Variants in ELOVL1 observed in about 807,000 individuals in gnomAD.
ELOVL1 encodes very long chain fatty acid elongase 1.
A neutral mutation model predicts 37.8 loss-of-function variants in ELOVL1; 10 were observed. The ratio of observed to expected loss-of-function variants is 0.26; its 90% CI spans 0.16 to 0.45. ELOVL1 has a LOEUF of 0.45. Ranked by LOEUF, ELOVL1 falls within the 20% of genes least tolerant of loss-of-function variation. The pLI is 1.00. For synonymous variants in ELOVL1, 133 were observed against 123.8 expected, an observed-to-expected ratio of 1.07 and a Z score of -0.49; for missense variants, 256 against 352.7, an observed-to-expected ratio of 0.73 and a Z score of 2.20.
rs1360980286 is a variant in ELOVL1, at chr1:43,364,404, G to A, written c.538C>T (p.Leu180=). ...CCAAAGGCAGATAATCCGTAGTACA[G>A]GTACATTATGACATGCACGGAAGAG... ...INSSVHVIMY[L]YYGLSAFGPV... Residue 180 remains leucine (L), a synonymous_variant, in exon 7 of 8, where the codon CTG becomes TTG. Transcript: ENST00000372458. The surrounding 1 kb of genome is among the most constrained non-coding windows in gnomAD (Gnocchi z 5.2). 1 of 1,614,178 alleles carries A rather than the reference G, an allele frequency of 6.2e-7. No individual in the cohort carries two copies. Among genetic ancestry groups the A allele is most frequent in the Admixed American group, 1.7e-5 (1 of 60,024 alleles).
rs376128835 is a variant in ELOVL1, at chr1:43,365,419, C to G, written c.47-43G>C. ...AGGAATCAGGAAGAGTCACAGGGTT[C>G]GAAGGGTCTTCATTTGAAGGGTCTA... On this transcript the variant is annotated intron_variant, in intron 2 of 7. Coordinates refer to ENST00000372458, the MANE Select transcript of ELOVL1 (RefSeq NM_022821.4). 8 of 1,608,968 alleles carry G rather than the reference C, an allele frequency of 5.0e-6. No individual in the cohort carries two copies. The South Asian group carries it at 6.6e-5, about 13-fold the overall frequency.
In ELOVL1 at chr1:43,364,828, A is replaced by G. The variant is rs374331483; in HGVS notation, c.319-34T>C. ...AGTTGGGATAGCCTTAGGACCTCAT[A>G]CACTATTCTAAGAGCCTCCCTAAAC... On this transcript the variant is annotated intron_variant, in intron 4 of 7. Coordinates refer to ENST00000372458, the MANE Select transcript of ELOVL1 (RefSeq NM_022821.4). The surrounding 1 kb of genome is among the most constrained non-coding windows in gnomAD (Gnocchi z 5.2). 32 of 1,614,156 alleles carry G rather than the reference A, an allele frequency of 2.0e-5. No individual in the cohort carries two copies. In the African/African-American group the frequency reaches 3.9e-4, roughly 19 times the overall value.
At position 43,365,577 on chromosome 1, in the gene ELOVL1, C is replaced by G; in HGVS notation, c.33G>C (p.Val11=). 2 of 1,614,114 alleles carry G rather than the reference C, an allele frequency of 1.2e-6. No homozygotes were observed. Among genetic ancestry groups the G allele is most frequent in the Non-Finnish European group, 1.7e-6 (2 of 1,180,004 alleles). The change falls in exon 2 of 8, where the codon GTG becomes GTC. Residue 11 remains valine, a synonymous_variant. Transcript: ENST00000372458. MEAVVNLYQE[V]MKHADPRIQG... ...ATAGCGTCTTACCTGCGTGCTTCAT[C>G]ACCTCTTGGTACAAGTTCACAACAG...
rs1351792320 is a variant in ELOVL1, at chr1:43,363,513, T to C, written c.*403A>G. 5 of 358,508 alleles carry C rather than the reference T, an allele frequency of 1.4e-5. No individual in the cohort carries two copies. In the Admixed American group the frequency reaches 1.9e-4, roughly 14 times the overall value. The allele number at this position is 358,508 out of a possible 1,614,324, so 22.2% of individuals were successfully genotyped here. A position where few individuals can be genotyped will look rare whatever the true frequency, so the allele number is the denominator to read the frequency against. ...TTTGGCCCAGAAGCTACTGCTTCAG[T>C]GTGTGGGGTGGAGGAGTGAGACTGG... On this transcript the variant is annotated 3_prime_UTR_variant, in exon 8 of 8. Coordinates refer to ENST00000372458, the MANE Select transcript of ELOVL1 (RefSeq NM_022821.4).
Position 43,363,929 on chromosome 1 carries a change from A to G in ELOVL1, c.827T>C (p.Val276Ala), listed in dbSNP as rs781755302. Residue 276 changes from valine to alanine, a missense_variant, in exon 8 of 8, where the codon GTC becomes GCC. Val to Ala is a moderately conservative substitution (Grantham distance 64, BLOSUM62 0). Coordinates refer to ENST00000372458, the MANE Select transcript of ELOVL1 (RefSeq NM_022821.4). Reference protein sequence around the residue: ...QQNGAPGIAKVKAN With the variant: ...QQNGAPGIAKAKAN ...AGGCCATGCTTCTCAGTTGGCCTTG[A>G]CCTTGGCAATACCTGGAGCTCCATT... 16 of 1,613,370 alleles carry G rather than the reference A, an allele frequency of 9.9e-6. No individual in the cohort carries two copies. Among genetic ancestry groups the G allele is most frequent in the Non-Finnish European group, 1.2e-5 (14 of 1,180,040 alleles).
chr1:43,363,934 G>T lies in ELOVL1; in HGVS notation c.822C>A (p.Ala274=). ...ATGCTTCTCAGTTGGCCTTGACCTT[G>T]GCAATACCTGGAGCTCCATTTTGCT... ...ALQQNGAPGI[A]KVKAN Residue 274 remains alanine, a synonymous_variant, in exon 8 of 8, where the codon GCC becomes GCA. Transcript: ENST00000372458. 1 of 1,613,492 alleles carries T rather than the reference G, an allele frequency of 6.2e-7. No individual in the cohort carries two copies. Among genetic ancestry groups the T allele is most frequent in the South Asian group, 1.1e-5 (1 of 91,008 alleles).
At position 43,363,829 on chromosome 1, in the gene ELOVL1, A is replaced by T; in HGVS notation, c.*87T>A. The T allele has an allele frequency of 8.1e-7, 1 of 1,236,338 alleles. No homozygotes were observed. The highest frequency in any genetic ancestry group is 1.3e-5 in the South Asian group (1 of 78,046). 76.6% of individuals were successfully genotyped at this position (1,236,338 alleles called of 1,614,324 possible). On this transcript the variant is annotated 3_prime_UTR_variant, in exon 8 of 8. Coordinates refer to ENST00000372458, the MANE Select transcript of ELOVL1 (RefSeq NM_022821.4). ...TCCTGACCACATAAGCCTTGGTCACAGGTGTAGGTGGAGAGGGCACTGACG... is the reference window on the plus strand; with the variant it reads ...TCCTGACCACATAAGCCTTGGTCACTGGTGTAGGTGGAGAGGGCACTGACG...
In ELOVL1 at chr1:43,364,124, A is replaced by G; in HGVS notation, c.632T>C (p.Leu211Pro). Residue 211 changes from leucine to proline, a missense_variant, in exon 8 of 8, where the codon CTG (leucine) becomes CCG (proline). Physicochemically the swap from Leu to Pro is moderately conservative, Grantham distance 98 (BLOSUM62 -3). This residue lies in a region of ELOVL1 where 39 missense variants were observed against 89.9 expected (regional missense o/e 0.43). Coordinates refer to ENST00000372458, the MANE Select transcript of ELOVL1 (RefSeq NM_022821.4). The surrounding 1 kb of genome is among the most constrained non-coding windows in gnomAD (Gnocchi z 5.2). ...MTAIQLIQFV[L>P]VSLHISQYYF... ...GTACTGGGAGATGTGCAGTGAGACC[A>G]GGACAAACTGGATCTAGGATAGAGA... The G allele has an allele frequency of 1.2e-6, 2 of 1,614,172 alleles. No homozygotes were observed. The highest frequency in any genetic ancestry group is 1.7e-6 in the Non-Finnish European group (2 of 1,180,032).
Position 43,363,646 on chromosome 1 carries a change from G to A in ELOVL1, c.*270C>T. ...CTCTCCCAAGTTTTAAGGCAGGGAG[G>A]GGGAAATAACTGTACAGCCCTTTTA... On this transcript the variant is annotated 3_prime_UTR_variant, in exon 8 of 8. Coordinates refer to ENST00000372458, the MANE Select transcript of ELOVL1 (RefSeq NM_022821.4). The A allele has an allele frequency of 4.1e-6, 2 of 492,370 alleles. No homozygotes were observed. The highest frequency in any genetic ancestry group is 5.4e-4 in the Middle Eastern group (1 of 1,838). 30.5% of individuals were successfully genotyped at this position (492,370 alleles called of 1,614,324 possible).
Position 43,364,562 on chromosome 1 carries a change from C to T in ELOVL1, c.461G>A (p.Trp154Ter). The T allele has an allele frequency of 1.2e-6, 2 of 1,614,116 alleles. No individual in the cohort carries two copies. The highest frequency in any genetic ancestry group is 1.7e-6 in the Non-Finnish European group (2 of 1,180,010). The change falls in exon 6 of 8, where the codon TGG becomes TAG. Residue 154 changes from tryptophan to a stop codon, truncating the protein, a stop_gained. Transcript: ENST00000372458. LOFTEE classifies it high-confidence loss of function. The surrounding 1 kb of genome is among the most constrained non-coding windows in gnomAD (Gnocchi z 5.2). ...CTCACCCGGGGCAATCTTTACCCCC[C>T]ACCACCAGCTCCAGGGAAGCACAGA... is the stretch of plus-strand genomic sequence containing the variant. ...HHSVLPWSWWWGVKIAPGGMG... is the reference protein window; with the variant it reads ...HHSVLPWSWW
chr1:43,364,395 C>G lies in ELOVL1; in HGVS notation c.547G>C (p.Gly183Arg). 6.2e-7 allele frequency: 1 copy of G among 1,614,114 alleles called. No individual in the cohort carries two copies. The highest frequency in any genetic ancestry group is 8.5e-7 in the Non-Finnish European group (1 of 1,180,022). The change falls in exon 7 of 8, where the codon GGA becomes CGA. Residue 183 changes from glycine (G) to arginine (R), a missense_variant. Physicochemically the swap from Gly to Arg is moderately radical, Grantham distance 125. Coordinates refer to ENST00000372458, the MANE Select transcript of ELOVL1 (RefSeq NM_022821.4). This position sits in a 1 kb window ranked among gnomAD's most constrained non-coding sequence, Gnocchi z 5.2. ...GCCACAGGGCCAAAGGCAGATAATC[C>G]GTAGTACAGGTACATTATGACATGC... ...SVHVIMYLYY[G>R]LSAFGPVAQP...
At position 43,365,207 on chromosome 1, in the gene ELOVL1, G is replaced by T. The variant is rs746362044; in HGVS notation, c.216C>A (p.Leu72=). 1 of 1,614,164 alleles carries T rather than the reference G, an allele frequency of 6.2e-7. No homozygotes were observed. Among genetic ancestry groups the T allele is most frequent in the Non-Finnish European group, 8.5e-7 (1 of 1,180,024 alleles). Residue 72 remains leucine (L), a synonymous_variant, in exon 3 of 8, where the codon CTC becomes CTA. Transcript: ENST00000372458. ...CCACCTCATAGACAATGTAGAGGGA[G>T]AGTGCCACCAGTGAGAAGTTGTAGA... ...MIVYNFSLVA[L]SLYIVYEFLM...
In ELOVL1 at chr1:43,364,042, C is replaced by T. The variant is rs1456142273; in HGVS notation, c.714G>A (p.Met238Ile). The change falls in exon 8 of 8, where the codon ATG becomes ATA. Residue 238 changes from methionine to isoleucine, a missense_variant. Transcript: ENST00000372458. The surrounding 1 kb of genome is among the most constrained non-coding windows in gnomAD (Gnocchi z 5.2). ...QYPVIIHLIW[M>I]YGTIFFMLFS... ...ACAGCATGAAGAAGATGGTGCCATA[C>T]ATCCAGATGAGGTGAATAATGACTG... 6.2e-7 allele frequency: 1 copy of T among 1,614,206 alleles called. No homozygotes were observed. Among genetic ancestry groups the T allele is most frequent in the Non-Finnish European group, 8.5e-7 (1 of 1,180,056 alleles).
chr1:43,364,654 G>A lies in ELOVL1; in HGVS notation c.376-7C>T. On this transcript the variant is annotated splice_region_variant and splice_polypyrimidine_tract_variant and intron_variant, in intron 5 of 7. Transcript: ENST00000372458. The surrounding 1 kb of genome is among the most constrained non-coding windows in gnomAD (Gnocchi z 5.2). ...TTCGGAGAATAAAGATCACCTGAGA[G>A]AAGAGTGAGGGAAGGGGATTCAGAA... The A allele has an allele frequency of 6.2e-7, 1 of 1,614,164 alleles. No homozygotes were observed. The highest frequency in any genetic ancestry group is 8.5e-7 in the Non-Finnish European group (1 of 1,180,024).
chr1:43,365,539 A>G (rs72671106), intron 2 of ELOVL1, 25 bp downstream of exon 2: 17,042 of 1,614,110 alleles, frequency 0.011, 144 homozygotes, highest in Middle Eastern at 0.013. Flanking sequence ...AGAAGGAAGG[A>G]AAGGGCTGGT....
In ELOVL1 at chr1:43,363,836, G is replaced by A. The variant is rs1197550527; in HGVS notation, c.*80C>T. 14 of 1,315,882 alleles carry A rather than the reference G, an allele frequency of 1.1e-5. No individual in the cohort carries two copies. The highest frequency in any genetic ancestry group is 4.6e-5 in the East Asian group (2 of 43,466). 81.5% of individuals were successfully genotyped at this position (1,315,882 alleles called of 1,614,324 possible). A position where few individuals can be genotyped will look rare whatever the true frequency, so the allele number is the denominator to read the frequency against. ...CACATAAGCCTTGGTCACAGGTGTAGGTGGAGAGGGCACTGACGGACACTG... is the reference window on the plus strand; with the variant it reads ...CACATAAGCCTTGGTCACAGGTGTAAGTGGAGAGGGCACTGACGGACACTG... On this transcript the variant is annotated 3_prime_UTR_variant, in exon 8 of 8. Transcript: ENST00000372458.
In ELOVL1 at chr1:43,363,667, T is replaced by G. The variant is rs187826081; in HGVS notation, c.*249A>C. 158 of 536,860 alleles carry G rather than the reference T, an allele frequency of 2.9e-4. 1 individual carries two copies. The highest frequency in any genetic ancestry group is 2.8e-3 in the African/African-American group (150 of 52,736). The allele number at this position is 536,860 out of a possible 1,614,324, so 33.3% of individuals were successfully genotyped here. ...GGAGGGGGAAATAACTGTACAGCCC[T>G]TTTAGCCCCCAGCTCTGGAGTGGCA... On this transcript the variant is annotated 3_prime_UTR_variant, in exon 8 of 8. Transcript: ENST00000372458.
rs1230638584 is a variant in ELOVL1 at position 43,364,284 on chromosome 1, TG to T, written c.618+39del. 3.1e-6 allele frequency: 5 copies of T among 1,613,386 alleles called. No homozygotes were observed. Among genetic ancestry groups the T allele is most frequent in the Non-Finnish European group, 4.2e-6 (5 of 1,179,792 alleles). On this transcript the variant is annotated intron_variant, in intron 7 of 7. Coordinates refer to ENST00000372458, the MANE Select transcript of ELOVL1 (RefSeq NM_022821.4). The surrounding 1 kb of genome is among the most constrained non-coding windows in gnomAD (Gnocchi z 5.2). ...AAAGGCAGGATCCAGGCTAGGAATG[TG>T]GGGGGATGGTTATAGGTAAGTCAGG... is the stretch of plus-strand genomic sequence containing the variant.
At chr1:43,365,068 CG>C in intron 3 of ELOVL1, 60 bp from the exon 4 acceptor site, 1 of 1,591,364 alleles carries the variant, frequency 6.3e-7, no homozygotes. Flanking sequence ...CCCTCCCCTT[CG>C]CTAGCTGAGG....
Sources: allele counts gnomAD v4.1 joint callset, GRCh38; gene constraint gnomAD v4.1.1; regional missense constraint gnomAD v4.1.1; non-coding constraint Gnocchi (gnomAD v3.1); transcripts MANE v1.5; gene names NCBI Gene and HGNC (gene_info 2026-07-23, HGNC 2026-07-21).